The following DDX31 variants were observed in gnomAD, a reference collection of about 807,000 sequenced individuals.
DDX31 encodes DEAD-box helicase 31.
A neutral mutation model predicts 91.3 loss-of-function variants in DDX31; 70 were observed. That is an observed-to-expected ratio of 0.77 (90% CI 0.63 to 0.94). The LOEUF is 0.94. Ranked by LOEUF, DDX31 falls within the 40% of genes least tolerant of loss-of-function variation. DDX31 has a pLI of 0.00. For synonymous variants in DDX31, 362 were observed against 350.6 expected, an observed-to-expected ratio of 1.03 and a Z score of -0.36; for missense variants, 902 against 925.0, an observed-to-expected ratio of 0.98 and a Z score of 0.32.
At chr9:132,621,099 T>C (rs1832003201) in intron 17 of DDX31, among the ~76,000 whole-genome samples, 1 of 152,162 alleles carries the variant, frequency 6.6e-6, no homozygotes, top group Non-Finnish European at 1.5e-5. Flanking sequence ...CAAAAACGCT[T>C]GTAGGAAAAA....
At chr9:132,645,872 T>C in intron 13 of DDX31, 23 bp downstream of exon 13, 1 of 1,597,826 alleles carries the variant, frequency 6.3e-7, no homozygotes, top group Non-Finnish European at 8.6e-7. Flanking sequence ...GTGTTGTCGC[T>C]GCACAGGGAG....
chr9:132,658,029 T>C (rs1834680337), intron 6 of DDX31: 2 of 367,532 alleles, frequency 5.4e-6, no homozygotes, highest in Non-Finnish European at 9.8e-6. Context: ...CATTGGAACT[T>C]AGAAGGTTAA....
At chr9:132,668,727 C>T (rs1835490516) in intron 1 of DDX31, among the ~76,000 whole-genome samples, 1 of 152,094 alleles carries the variant, frequency 6.6e-6, no homozygotes. Flanking sequence ...ACCACCACGC[C>T]CAGCTAATTT....
At chr9:132,596,582 C>A (rs1457978899) in intron 19 of DDX31, among the ~76,000 whole-genome samples, 1 of 152,202 alleles carries the variant, frequency 6.6e-6, no homozygotes, top group Non-Finnish European at 1.5e-5. Context: ...ACAATCCTCG[C>A]TCAACAAGGT....
chr9:132,594,964 G>A lies in DDX31; in HGVS notation c.2143C>T (p.Leu715=), dbSNP rs1830362319. ...CGGCCAAAGCAGGGTGTCGGCTGCA[G>A]ACTGTGCTGCAGGGGCCGGCCACCA... The part of the protein sequence containing the change: ...EPGGRPLQHS[L]QPTPCFGRGK... The change falls in exon 20 of 20, where the codon CTG becomes TTG. Residue 715 remains leucine, a synonymous_variant. Coordinates refer to ENST00000372159, the MANE Select transcript of DDX31 (RefSeq NM_022779.9). 6.2e-7 allele frequency: 1 copy of A among 1,614,092 alleles called. No individual in the cohort carries two copies. The highest frequency in any genetic ancestry group is 1.1e-5 in the South Asian group (1 of 91,088).
At chr9:132,631,307 C>A (rs1432054232) in intron 15 of DDX31, among the ~76,000 whole-genome samples, 1 of 152,034 alleles carries the variant, frequency 6.6e-6, no homozygotes, top group Non-Finnish European at 1.5e-5. Flanking sequence ...TATGTCTGGC[C>A]TCCCATACAT....
At position 132,622,526 on chromosome 9, in the gene DDX31, C is replaced by T. The variant is rs564756367; in HGVS notation, c.1713+3138G>A. ...GGCTTCCTGCCCTTCTACAGCTTCC[C>T]TGCGTTGCGCAGACACACAGTGATC... On this transcript the variant is annotated intron_variant, in intron 17 of 19. Transcript: ENST00000372159. Among the ~76,000 whole-genome samples, 358 of 152,352 alleles carry T rather than the reference C, an allele frequency of 2.3e-3. 1 individual carries two copies. The highest frequency in any genetic ancestry group is 4.1e-3 in the Non-Finnish European group (277 of 68,030).
At chr9:132,661,101 T>C (rs530305591) in intron 4 of DDX31, 107 bp downstream of exon 4, 9 of 925,622 alleles carry the variant, frequency 9.7e-6, no homozygotes, top group African/African-American at 1.7e-5. Context: ...AACCTGGCAC[T>C]GTGTTCCAAC....
At chr9:132,663,182 GCAT>G in intron 1 of DDX31, 1 of 1,289,250 alleles carries the variant, frequency 7.8e-7, no homozygotes, top group Non-Finnish European at 1.0e-6. Context: ...GGGGGAATGC[GCAT>G]CTCAGCCCGT....
rs553737686 is a variant in DDX31 at position 132,613,551 on chromosome 9, G to A, written c.1826-1296C>T. On this transcript the variant is annotated intron_variant, in intron 18 of 19. Coordinates refer to ENST00000372159, the MANE Select transcript of DDX31 (RefSeq NM_022779.9). Reference sequence around the variant, plus strand: ...TCTACTAAAAATGCAAAAATTAGCCGGATGTGGTGGCAGGTGCCTGTAATC... The same window carrying A: ...TCTACTAAAAATGCAAAAATTAGCCAGATGTGGTGGCAGGTGCCTGTAATC... Among the ~76,000 whole-genome samples, 686 of 152,222 alleles carry A rather than the reference G, an allele frequency of 4.5e-3. 3 individuals are homozygous for A. The highest frequency in any genetic ancestry group is 6.7e-3 in the Non-Finnish European group (459 of 68,012).
chr9:132,624,817 T>A (rs1156636936), intron 17 of DDX31, among the ~76,000 whole-genome samples: 2 of 152,148 alleles, frequency 1.3e-5, no homozygotes, highest in Non-Finnish European at 2.9e-5. Context: ...ACAAGAGAAT[T>A]TAAGTCAGGC....
intron 19 of DDX31, among the ~76,000 whole-genome samples, chr9:132,607,640 C>T (rs1192243721): frequency 6.6e-6 from 1 of 152,148 alleles, no homozygotes; most frequent in African/African-American, 2.4e-5. Context: ...CTTGCTCTTT[C>T]GTACTGTCAC....
chr9:132,630,844 G>T (rs911708447), intron 15 of DDX31, among the ~76,000 whole-genome samples: 3 of 152,244 alleles, frequency 2.0e-5, no homozygotes. Context: ...ACTGGAGGGT[G>T]TAAGGATGAA....
intron 16 of DDX31, among the ~76,000 whole-genome samples, chr9:132,626,120 T>A (rs1181893239): frequency 6.7e-6 from 1 of 150,322 alleles, no homozygotes; most frequent in East Asian, 1.9e-4. Context: ...TTTGGTCTCT[T>A]TAGTTTATAC....
intron 7 of DDX31, among the ~76,000 whole-genome samples, chr9:132,651,393 C>A (rs1173536648): frequency 2.0e-5 from 3 of 152,212 alleles, no homozygotes; most frequent in Middle Eastern, 6.8e-3. Context: ...CAGAGTGCCA[C>A]ACAGAGAAGT....
At chr9:132,607,641 G>A (rs1036478370) in intron 19 of DDX31, among the ~76,000 whole-genome samples, 4 of 152,136 alleles carry the variant, frequency 2.6e-5, no homozygotes, top group African/African-American at 4.8e-5. Flanking sequence ...TTGCTCTTTC[G>A]TACTGTCACA....
chr9:132,639,624 T>C (rs143770398), intron 14 of DDX31, among the ~76,000 whole-genome samples: 6 of 152,340 alleles, frequency 3.9e-5, no homozygotes, highest in Middle Eastern at 3.4e-3. Context: ...CTGAGAATTA[T>C]ATTAACTATT....
chr9:132,603,147 A>T (rs903066847), intron 19 of DDX31, among the ~76,000 whole-genome samples: 1 of 152,202 alleles, frequency 6.6e-6, no homozygotes, highest in African/African-American at 2.4e-5. Context: ...TAAGCCCTCA[A>T]AAGAGATGCT....
At chr9:132,638,016 CG>C (rs1833235410) in intron 14 of DDX31, 3 of 1,133,456 alleles carry the variant, frequency 2.6e-6, no homozygotes, top group African/African-American at 1.6e-5. Flanking sequence ...ATGCTTCAAG[CG>C]GAAAAAAATA....
Sources: gnomAD v4.1 joint callset for allele counts (sites outside exome capture counted in the v4.1 genomes callset) on GRCh38, gnomAD v4.1.1 for gene constraint, MANE v1.5 for transcripts, NCBI Gene and HGNC (gene_info 2026-07-23, HGNC 2026-07-21) for gene names.